SNTG2: variants seen among roughly 807,000 people sequenced by gnomAD.
SNTG2 encodes the protein gamma-2-syntrophin.
SNTG2 carries 74 observed loss-of-function variants against 70.9 expected under a neutral mutation model. The observed-to-expected ratio is 1.04, with a 90% CI of 0.86 to 1.27. SNTG2 has a LOEUF of 1.27. Ranked by LOEUF, SNTG2 falls within the 50% of genes most tolerant of loss-of-function variation. The pLI, the probability that SNTG2 is intolerant of heterozygous loss-of-function variation, is 0.00. For missense variants in SNTG2, 717 were observed against 690.7 expected, an observed-to-expected ratio of 1.04 and a Z score of -0.43; for synonymous variants, 278 against 273.8, an observed-to-expected ratio of 1.02 and a Z score of -0.15.
chr2:1,361,826 A>G (rs1443078536), intron 16 of SNTG2, among the ~76,000 whole-genome samples: 2 of 150,192 alleles, frequency 1.3e-5, no homozygotes, highest in African/African-American at 5.0e-5. Context: ...TAGAACTTCC[A>G]TGAAAGTCAC....
chr2:1,070,917 G>A (rs1274484620), intron 1 of SNTG2, among the ~76,000 whole-genome samples: 2 of 152,194 alleles, frequency 1.3e-5, no homozygotes, highest in African/African-American at 4.8e-5. Context: ...TGCAGTGCCT[G>A]CTGCTGGTGA....
chr2:982,937 C>T (rs371878517), intron 1 of SNTG2, among the ~76,000 whole-genome samples: 3 of 152,124 alleles, frequency 2.0e-5, no homozygotes, highest in African/African-American at 7.2e-5. Context: ...AGCAGAGGCT[C>T]TCTTCCATAG....
At chr2:1,264,792 C>T (rs1042522501) in intron 13 of SNTG2, among the ~76,000 whole-genome samples, 2 of 152,274 alleles carry the variant, frequency 1.3e-5, no homozygotes, top group South Asian at 4.1e-4. Flanking sequence ...AATTCCTGGG[C>T]TCCAGTGATG....
At chr2:1,203,361 G>A (rs1001402195) in intron 8 of SNTG2, among the ~76,000 whole-genome samples, 2 of 152,004 alleles carry the variant, frequency 1.3e-5, no homozygotes, top group African/African-American at 4.8e-5. Flanking sequence ...GATTAAGAGT[G>A]ACAAATGTTA....
At chr2:995,695 A>G (rs1353893517) in intron 1 of SNTG2, among the ~76,000 whole-genome samples, 1 of 152,154 alleles carries the variant, frequency 6.6e-6, no homozygotes, top group African/African-American at 2.4e-5. Flanking sequence ...TTTGCTGGAT[A>G]TACATTCAGA....
Position 951,242 on chromosome 2 carries a change from C to G in SNTG2, c.72+174C>G, listed in dbSNP as rs536609599. ...CCGGAGCCCCGGGACGCAGTGGGCA[C>G]CCGCCCCCTGGCCGCTCTGCTCCCT... On this transcript the variant is annotated intron_variant, in intron 1 of 16. Transcript: ENST00000308624. Among the ~76,000 whole-genome samples, 12 of 152,268 alleles carry G rather than the reference C, an allele frequency of 7.9e-5. No homozygotes were observed. The South Asian group carries it at 2.5e-3, about 32-fold the overall frequency.
rs144993652 is a variant in SNTG2 at position 1,050,723 on chromosome 2, C to T, written c.73-32795C>T. On this transcript the variant is annotated intron_variant, in intron 1 of 16. Coordinates refer to ENST00000308624, the MANE Select transcript of SNTG2 (RefSeq NM_018968.4). ...TCTAGGATTATTATTAAACAGCTTCCAATAACAATTATTGTTTTGAATATG... is the reference window on the plus strand; with the variant it reads ...TCTAGGATTATTATTAAACAGCTTCTAATAACAATTATTGTTTTGAATATG... Among the ~76,000 whole-genome samples the T allele has an allele frequency of 3.5e-3, 531 of 152,206 alleles. 7 individuals are homozygous for T. The highest frequency in any genetic ancestry group is 4.7e-3 in the Admixed American group (72 of 15,304).
intron 16 of SNTG2, among the ~76,000 whole-genome samples, chr2:1,328,434 G>T (rs1042171190): frequency 6.6e-6 from 1 of 152,178 alleles, no homozygotes; most frequent in African/African-American, 2.4e-5. Context: ...CAACTCTGGG[G>T]CTCCGTGAGG....
chr2:1,040,698 A>G (rs1350919997), intron 1 of SNTG2, among the ~76,000 whole-genome samples: 1 of 152,264 alleles, frequency 6.6e-6, no homozygotes, highest in East Asian at 1.9e-4. Context: ...CCTTAACATC[A>G]TACCTGATGG....
intron 15 of SNTG2, among the ~76,000 whole-genome samples, chr2:1,314,458 AGT>A (rs773001810): frequency 4.6e-5 from 7 of 152,216 alleles, no homozygotes; most frequent in Non-Finnish European, 8.8e-5. Context: ...ATTGGTGTGG[AGT>A]GTGGGAAGAG....
At chr2:1,117,352 T>G (rs1667081569) in intron 4 of SNTG2, among the ~76,000 whole-genome samples, 1 of 152,154 alleles carries the variant, frequency 6.6e-6, no homozygotes, top group African/African-American at 2.4e-5. Flanking sequence ...GTTCCTAATA[T>G]TAATACACTG....
At chr2:1,169,959 C>G (rs1671014782) in intron 7 of SNTG2, among the ~76,000 whole-genome samples, 1 of 140,494 alleles carries the variant, frequency 7.1e-6, no homozygotes, top group African/African-American at 2.6e-5. Flanking sequence ...CATAATCTCT[C>G]TATAAATTCA....
chr2:1,152,914 A>G (rs1237641713), intron 6 of SNTG2, among the ~76,000 whole-genome samples: 2 of 152,276 alleles, frequency 1.3e-5, no homozygotes, highest in East Asian at 1.9e-4. Flanking sequence ...TCCTGAGGTC[A>G]GGAGTTCGAG....
At chr2:1,253,061 G>C (rs189308620) in intron 12 of SNTG2, among the ~76,000 whole-genome samples, 8 of 152,304 alleles carry the variant, frequency 5.3e-5, no homozygotes, top group Admixed American at 1.3e-4. Context: ...ACATAAACAT[G>C]AGGTTTTTGG....
At chr2:1,221,453 C>CTCTG (rs1674823172) in intron 9 of SNTG2, among the ~76,000 whole-genome samples, 92 of 131,230 alleles carry the variant, frequency 7.0e-4, no homozygotes, top group Non-Finnish European at 8.9e-4. Context: ...GTCTCTGTCT[C>CTCTG]TCTCTGTCTC....
chr2:1,157,984 C>T (rs1268925804), intron 6 of SNTG2, among the ~76,000 whole-genome samples: 3 of 152,198 alleles, frequency 2.0e-5, no homozygotes, highest in African/African-American at 7.2e-5. Flanking sequence ...TTCAAAGTTA[C>T]CTTGGCCGGC....
At chr2:1,056,932 G>GGGAC (rs1491523042) in intron 1 of SNTG2, among the ~76,000 whole-genome samples, 1 of 91,254 alleles carries the variant, frequency 1.1e-5, no homozygotes, top group Non-Finnish European at 2.4e-5. Context: ...GAGGGAGGGA[G>GGGAC]GGAGAGCGCG....
rs576245369 is a variant in SNTG2 at position 1,249,803 on chromosome 2, C to A, written c.1005+2360C>A. Among the ~76,000 whole-genome samples, 188 of 152,242 alleles carry A rather than the reference C, an allele frequency of 1.2e-3. 4 individuals carry two copies. The highest frequency in any genetic ancestry group is 1.0e-4 in the Non-Finnish European group (7 of 68,022). On this transcript the variant is annotated intron_variant, in intron 12 of 16. Transcript: ENST00000308624. The stretch of plus-strand genomic sequence containing the variant: ...TCATACCTGCTGTGGGTAGAGAGTC[C>A]ATTTCTTATTTTAAATGCAGTTTTG...
intron 4 of SNTG2, among the ~76,000 whole-genome samples, chr2:1,126,970 T>C (rs956489177): frequency 2.0e-5 from 3 of 151,610 alleles, no homozygotes; most frequent in Admixed American, 6.6e-5. Context: ...TAGTTTGATA[T>C]ATCCCATTTG....
Sources: allele counts gnomAD v4.1 joint callset (sites outside exome capture counted in the v4.1 genomes callset), GRCh38; gene constraint gnomAD v4.1.1; transcripts MANE v1.5; gene names NCBI Gene and HGNC (gene_info 2026-07-23, HGNC 2026-07-21).